CEP112: variants seen among roughly 807,000 people sequenced by gnomAD.
The protein encoded by CEP112 is centrosomal protein 112, also known as centrosomal protein of 112 kDa.
CEP112 carries 127 observed loss-of-function variants against 153.0 expected under a neutral mutation model. The observed-to-expected ratio is 0.83, with a 90% CI of 0.72 to 0.96. The LOEUF (loss-of-function observed/expected upper bound fraction) is 0.96, where lower values mean the gene tolerates loss of function less well. CEP112 is among the 40% of genes least tolerant of loss of function. CEP112 has a pLI of 0.00. For missense variants in CEP112, 1,089 were observed against 1,101.2 expected (o/e 0.99, Z 0.16); for synonymous variants, 358 against 374.4 (o/e 0.96, Z 0.51).
At chr17:66,069,464 G>A (rs969472199) in intron 9 of CEP112, among the ~76,000 whole-genome samples, 3 of 151,968 alleles carry the variant, frequency 2.0e-5, no homozygotes, top group Admixed American at 6.6e-5. Flanking sequence ...AGCCTTTATT[G>A]TCAGTGCCAG....
chr17:65,702,362 T>G (rs1163477812), intron 23 of CEP112, among the ~76,000 whole-genome samples: 1 of 152,144 alleles, frequency 6.6e-6, no homozygotes. Flanking sequence ...CTTCCTAAAC[T>G]AGCTTCATGT....
intron 12 of CEP112, chr17:66,043,050 T>C (rs1021703755): frequency 1.1e-5 from 11 of 963,998 alleles, no homozygotes; most frequent in African/African-American, 5.3e-5. Flanking sequence ...ATATTTCAGA[T>C]GTCTAAGGCT....
chr17:65,690,138 A>C (rs7222068), intron 23 of CEP112, among the ~76,000 whole-genome samples: 2,635 of 125,738 alleles, frequency 0.021, 66 homozygotes, highest in African/African-American at 0.078. Context: ...AAAAAAAAAA[A>C]CTCCGGTCGG....
At chr17:65,929,090 G>C (rs979631176) in intron 18 of CEP112, among the ~76,000 whole-genome samples, 1 of 152,120 alleles carries the variant, frequency 6.6e-6, no homozygotes, top group African/African-American at 2.4e-5. Flanking sequence ...GTGTTTCTTT[G>C]GGGGAAGATG....
intron 12 of CEP112, among the ~76,000 whole-genome samples, chr17:66,051,986 T>A (rs1370599105): frequency 1.3e-5 from 2 of 152,236 alleles, no homozygotes; most frequent in Non-Finnish European, 2.9e-5. Flanking sequence ...TTCAGAACAT[T>A]TACTTTAGCA....
chr17:66,076,924 C>T (rs925555637), intron 8 of CEP112, among the ~76,000 whole-genome samples: 1 of 152,164 alleles, frequency 6.6e-6, no homozygotes, highest in African/African-American at 2.4e-5. Flanking sequence ...CAGGTAGACT[C>T]GCTGGGTGGC....
At chr17:65,862,318 G>A (rs1205604338) in intron 20 of CEP112, among the ~76,000 whole-genome samples, 1 of 152,196 alleles carries the variant, frequency 6.6e-6, no homozygotes, top group Non-Finnish European at 1.5e-5. Flanking sequence ...GCCGGGCATA[G>A]TGGCTCACGC....
intron 6 of CEP112, among the ~76,000 whole-genome samples, chr17:66,104,132 G>C (rs1209914779): frequency 6.6e-6 from 1 of 152,146 alleles, no homozygotes; most frequent in African/African-American, 2.4e-5. Context: ...GGGTGCATGT[G>C]ACATAGTGAG....
chr17:65,938,894 C>A (rs1032930601), intron 18 of CEP112, among the ~76,000 whole-genome samples: 3 of 152,102 alleles, frequency 2.0e-5, no homozygotes, highest in African/African-American at 7.2e-5. Context: ...TCACTGCAAC[C>A]TCCGCCTCCC....
chr17:66,049,577 C>G (rs1199751870), intron 12 of CEP112, among the ~76,000 whole-genome samples: 1 of 152,058 alleles, frequency 6.6e-6, no homozygotes. Flanking sequence ...TGGCAAAACT[C>G]CATCTCTACT....
chr17:65,685,929 C>T (rs1001593690), intron 24 of CEP112, among the ~76,000 whole-genome samples: 1 of 151,978 alleles, frequency 6.6e-6, no homozygotes, highest in African/African-American at 2.4e-5. Context: ...TTCCAAAGTG[C>T]TGGTATTACA....
At chr17:65,880,227 T>C (rs1469757469) in intron 20 of CEP112, among the ~76,000 whole-genome samples, 2 of 152,236 alleles carry the variant, frequency 1.3e-5, no homozygotes, top group Non-Finnish European at 2.9e-5. Context: ...GTCAAACTAT[T>C]ATTTAGATGA....
At chr17:65,682,628 C>G (rs2047589141) in intron 24 of CEP112, among the ~76,000 whole-genome samples, 1 of 152,154 alleles carries the variant, frequency 6.6e-6, no homozygotes, top group Admixed American at 6.5e-5. Flanking sequence ...AGTAGACACT[C>G]AGTAACAAAT....
At chr17:65,653,312 G>C (rs1182541916) in intron 24 of CEP112, among the ~76,000 whole-genome samples, 3 of 152,148 alleles carry the variant, frequency 2.0e-5, no homozygotes, top group African/African-American at 7.2e-5. Flanking sequence ...CTTTCCATCT[G>C]GATTTCCACC....
intron 12 of CEP112, among the ~76,000 whole-genome samples, chr17:66,034,877 G>A (rs1036690380): frequency 2.0e-5 from 3 of 149,672 alleles, no homozygotes; most frequent in African/African-American, 7.3e-5. Flanking sequence ...GCGCAATCTC[G>A]ACTCACCGCA....
At chr17:66,035,658 T>C (rs1265247933) in intron 12 of CEP112, among the ~76,000 whole-genome samples, 1 of 152,164 alleles carries the variant, frequency 6.6e-6, no homozygotes, top group Non-Finnish European at 1.5e-5. Context: ...TGCAAAAGTA[T>C]TCACTATAGC....
chr17:66,047,630 T>C (rs1425674871), intron 12 of CEP112, among the ~76,000 whole-genome samples: 1 of 152,216 alleles, frequency 6.6e-6, no homozygotes, highest in Non-Finnish European at 1.5e-5. Flanking sequence ...TATTTAACAT[T>C]TTTCTGTAAG....
chr17:65,702,166 G>A (rs1278945253), intron 23 of CEP112, among the ~76,000 whole-genome samples: 1 of 152,092 alleles, frequency 6.6e-6, no homozygotes, highest in African/African-American at 2.4e-5. Flanking sequence ...ATGAGCCACT[G>A]CGCCTGGCCT....
intron 23 of CEP112, among the ~76,000 whole-genome samples, chr17:65,720,018 G>T (rs1170425161): frequency 6.6e-6 from 1 of 152,178 alleles, no homozygotes; most frequent in Non-Finnish European, 1.5e-5. Context: ...CCTTGTGAAT[G>T]CACAGAAGAG....
Sources: gnomAD v4.1 joint callset for allele counts (sites outside exome capture counted in the v4.1 genomes callset) on GRCh38, gnomAD v4.1.1 for gene constraint, MANE v1.5 for transcripts, NCBI Gene and HGNC (gene_info 2026-07-23, HGNC 2026-07-21) for gene names.